Variants in SYT9 observed in about 807,000 individuals in gnomAD.
The protein encoded by SYT9 is synaptotagmin-9.
A neutral mutation model predicts 48.4 loss-of-function variants in SYT9; 22 were observed. The ratio of observed to expected loss-of-function variants is 0.45; its 90% CI spans 0.32 to 0.65. SYT9 has a LOEUF of 0.65. Ranked by LOEUF, SYT9 falls within the 30% of genes least tolerant of loss-of-function variation. SYT9 has a pLI of 0.03. For missense variants in SYT9, 577 were observed against 622.0 expected, an observed-to-expected ratio of 0.93 and a Z score of 0.77; for synonymous variants, 265 against 245.0, an observed-to-expected ratio of 1.08 and a Z score of -0.76.
At chr11:7,372,753 G>T (rs1192407034) in intron 3 of SYT9, among the ~76,000 whole-genome samples, 1 of 152,044 alleles carries the variant, frequency 6.6e-6, no homozygotes, top group Non-Finnish European at 1.5e-5. Flanking sequence ...TTCCAGCTAA[G>T]CAATTATATG....
chr11:7,415,250 G>A (rs1452422482), intron 3 of SYT9, among the ~76,000 whole-genome samples: 1 of 152,174 alleles, frequency 6.6e-6, no homozygotes, highest in Non-Finnish European at 1.5e-5. Flanking sequence ...GCGAGTACTT[G>A]GCTGTGTCCA....
intron 3 of SYT9, among the ~76,000 whole-genome samples, chr11:7,345,963 G>A (rs912830863): frequency 1.1e-4 from 17 of 152,198 alleles, no homozygotes; most frequent in African/African-American, 4.1e-4. Flanking sequence ...GTCACTAGAA[G>A]AATGTTTCAA....
intron 3 of SYT9, among the ~76,000 whole-genome samples, chr11:7,398,275 C>T (rs529627913): frequency 1.3e-5 from 2 of 152,246 alleles, no homozygotes; most frequent in East Asian, 3.9e-4. Context: ...GTTAAGCCAA[C>T]CTTACATTCC....
chr11:7,311,579 G>A (rs1389756104), intron 2 of SYT9, among the ~76,000 whole-genome samples: 2 of 152,184 alleles, frequency 1.3e-5, no homozygotes, highest in Non-Finnish European at 2.9e-5. Flanking sequence ...GCATCCAGTG[G>A]ATATTGAGGA....
chr11:7,459,592 A>G (rs1238695761), intron 6 of SYT9, among the ~76,000 whole-genome samples: 1 of 152,196 alleles, frequency 6.6e-6, no homozygotes, highest in Admixed American at 6.5e-5. Flanking sequence ...TTGGTGGGGT[A>G]CTGGTTTGAA....
At chr11:7,415,768 G>A (rs565438049) in intron 3 of SYT9, among the ~76,000 whole-genome samples, 1 of 152,250 alleles carries the variant, frequency 6.6e-6, no homozygotes, top group South Asian at 2.1e-4. Context: ...GTCTGTACAG[G>A]GCTGCCGGTG....
chr11:7,391,736 A>T (rs1211769983), intron 3 of SYT9, among the ~76,000 whole-genome samples: 2 of 19,602 alleles, frequency 1.0e-4, no homozygotes, highest in African/African-American at 3.1e-4. Flanking sequence ...CCCCATCTCT[A>T]AAAAAAAAAA....
intron 6 of SYT9, among the ~76,000 whole-genome samples, chr11:7,426,506 A>G (rs1341523233): frequency 6.6e-6 from 1 of 152,172 alleles, no homozygotes; most frequent in African/African-American, 2.4e-5. Flanking sequence ...TCCTTCAGGC[A>G]TTTGGGCACA....
chr11:7,464,821 G>A (rs972564818), intron 6 of SYT9, among the ~76,000 whole-genome samples: 2 of 152,046 alleles, frequency 1.3e-5, no homozygotes, highest in African/African-American at 2.4e-5. Flanking sequence ...GGTGGCTCAC[G>A]CCTGTAATCC....
In SYT9 at chr11:7,417,861, A is replaced by G. The variant is rs568746245; in HGVS notation, c.1166-96A>G. Reference sequence around the variant, plus strand: ...AGTCCACAGGCAGGTAAAGGAGTTCAGCATACCATAGTCCATGAAAACTCA... The same window carrying G: ...AGTCCACAGGCAGGTAAAGGAGTTCGGCATACCATAGTCCATGAAAACTCA... On this transcript the variant is annotated intron_variant, in intron 4 of 6. Coordinates refer to ENST00000318881, the MANE Select transcript of SYT9 (RefSeq NM_175733.4). 3,042 of 1,314,710 alleles carry G rather than the reference A, an allele frequency of 2.3e-3. 9 individuals carry two copies. Among genetic ancestry groups the G allele is most frequent in the Middle Eastern group, 7.2e-3 (36 of 5,004 alleles). The allele number at this position is 1,314,710 out of a possible 1,614,324, so 81.4% of individuals were successfully genotyped here. A position where few individuals can be genotyped will look rare whatever the true frequency, so the allele number is the denominator to read the frequency against.
At chr11:7,300,171 A>G (rs977544772) in intron 1 of SYT9, among the ~76,000 whole-genome samples, 2 of 150,844 alleles carry the variant, frequency 1.3e-5, no homozygotes, top group African/African-American at 4.9e-5. Context: ...GACTTAATAC[A>G]CTAAATATTT....
At chr11:7,413,089 G>A (rs899879450) in intron 3 of SYT9, among the ~76,000 whole-genome samples, 1 of 152,204 alleles carries the variant, frequency 6.6e-6, no homozygotes, top group African/African-American at 2.4e-5. Flanking sequence ...GAATGCTCAG[G>A]TGAGGGCACT....
intron 6 of SYT9, among the ~76,000 whole-genome samples, chr11:7,459,330 T>C (rs757532314): frequency 6.6e-6 from 1 of 151,970 alleles, no homozygotes; most frequent in Non-Finnish European, 1.5e-5. Flanking sequence ...ATGGATGAGA[T>C]GTAAATGGTA....
At chr11:7,345,046 T>G (rs1398351767) in intron 3 of SYT9, among the ~76,000 whole-genome samples, 4 of 152,142 alleles carry the variant, frequency 2.6e-5, no homozygotes, top group Non-Finnish European at 4.4e-5. Flanking sequence ...ATAGTGAGTC[T>G]TCCCATCACA....
rs765568180 is a variant in SYT9 at position 7,466,796 on chromosome 11, G to A, written c.1472G>A (p.Arg491Gln). The change falls in exon 7 of 7, where the codon CGA becomes CAA. Residue 491 changes from arginine (R) to glutamine (Q), a missense_variant. Arg to Gln is a conservative substitution (Grantham distance 43). Coordinates refer to ENST00000318881, the MANE Select transcript of SYT9 (RefSeq NM_175733.4). ...IAHWHSLVEKR is the reference protein window; with the variant it reads ...IAHWHSLVEKQ ...TTTTGTTTTTTCTTCCTGCAGAAACGATGACCATGGGTAAGAGGACTGCTT... is the reference window on the plus strand; with the variant it reads ...TTTTGTTTTTTCTTCCTGCAGAAACAATGACCATGGGTAAGAGGACTGCTT... 1.7e-5 allele frequency: 28 copies of A among 1,612,436 alleles called. No homozygotes were observed. The highest frequency in any genetic ancestry group is 1.2e-4 in the South Asian group (11 of 90,648).
intron 3 of SYT9, among the ~76,000 whole-genome samples, chr11:7,405,157 A>T (rs2134080206): frequency 6.6e-6 from 1 of 151,700 alleles, no homozygotes; most frequent in East Asian, 1.9e-4. Flanking sequence ...TTATCATTCC[A>T]GAAAACTTTT....
At chr11:7,364,527 G>T (rs534683959) in intron 3 of SYT9, among the ~76,000 whole-genome samples, 1 of 152,316 alleles carries the variant, frequency 6.6e-6, no homozygotes, top group East Asian at 1.9e-4. Context: ...TATGGCTGGG[G>T]TGTATGCCAT....
At chr11:7,338,533 T>G (rs1849665219) in intron 3 of SYT9, among the ~76,000 whole-genome samples, 1 of 152,178 alleles carries the variant, frequency 6.6e-6, no homozygotes. Context: ...GTACCAGAAA[T>G]TCTGTTATGT....
chr11:7,368,672 A>G (rs2134026482), intron 3 of SYT9, among the ~76,000 whole-genome samples: 1 of 152,194 alleles, frequency 6.6e-6, no homozygotes, highest in Middle Eastern at 3.4e-3. Flanking sequence ...AGCTTCACCC[A>G]TGTCCCTGCA....
Sources: gnomAD v4.1 joint callset for allele counts (sites outside exome capture counted in the v4.1 genomes callset) on GRCh38, gnomAD v4.1.1 for gene constraint, MANE v1.5 for transcripts, NCBI Gene and HGNC (gene_info 2026-07-23, HGNC 2026-07-21) for gene names.